Variants in MPO observed in about 807,000 individuals in gnomAD.
The protein encoded by MPO is myeloperoxidase.
MPO carries 57 observed loss-of-function variants against 69.4 expected under a neutral mutation model. That is an observed-to-expected ratio of 0.82 (90% CI 0.66 to 1.02). The LOEUF (loss-of-function observed/expected upper bound fraction) is 1.02. Among genes scored for constraint, MPO ranks in the 50% least tolerant of loss-of-function variants. The pLI is 0.00. For missense variants in MPO, 971 were observed against 1,014.1 expected (o/e 0.96, Z 0.58); for synonymous variants, 426 against 417.1 (o/e 1.02, Z -0.26).
rs147998181 is a variant in MPO at position 58,279,872 on chromosome 17, G to T, written c.391C>A (p.Arg131=). The T allele has an allele frequency of 1.2e-6, 2 of 1,614,018 alleles. No homozygotes were observed. The highest frequency in any genetic ancestry group is 1.7e-6 in the Non-Finnish European group (2 of 1,179,998). The change falls in exon 3 of 12, where the codon CGG becomes AGG. Residue 131 remains arginine, a synonymous_variant. Coordinates refer to ENST00000225275, the MANE Select transcript of MPO (RefSeq NM_000250.2). ...VALDLLERKL[R]SLWRRPFNVT... The stretch of plus-strand genomic sequence containing the variant: ...TTGAATGGCCTTCGCCACAGGGACC[G>T]CAGCTTCCTCTCCAGCAGGTCTAGA...
Position 58,279,596 on chromosome 17 carries a change from C to A in MPO, c.475G>T (p.Ala159Ser). 1 of 1,614,108 alleles carries A rather than the reference C, an allele frequency of 6.2e-7. No individual in the cohort carries two copies. Among genetic ancestry groups the A allele is most frequent in the Non-Finnish European group, 8.5e-7 (1 of 1,180,028 alleles). Reference sequence around the variant, plus strand: ...CAAGTCACCCCCACGTCCTGGTAGGCGCAGCCGCTTGACTTGGACAACACA... The same window carrying A: ...CAAGTCACCCCCACGTCCTGGTAGGAGCAGCCGCTTGACTTGGACAACACA... The part of the protein sequence containing the change: ...LNVLSKSSGC[A>S]YQDVGVTCPE... Residue 159 changes from alanine to serine, a missense_variant, in exon 4 of 12, where the codon GCC becomes TCC. By Grantham distance (99) the Ala-to-Ser change is moderately conservative. Transcript: ENST00000225275.
chr17:58,279,938 T>C lies in MPO; in HGVS notation c.325A>G (p.Thr109Ala), dbSNP rs761553889. ...TCAGCGGCCCTCACCGCCGTCCTGG[T>C]GGCTGCCACCGGCTGCTTGAAGTAG... Reference protein sequence around the residue: ...LSYFKQPVAATRTAVRAADYL... With the variant: ...LSYFKQPVAAARTAVRAADYL... The change falls in exon 3 of 12, where the codon ACC (threonine) becomes GCC (alanine). Residue 109 changes from threonine (T) to alanine (A), a missense_variant. Physicochemically the swap from Thr to Ala is moderately conservative, Grantham distance 58 (BLOSUM62 0). Coordinates refer to ENST00000225275, the MANE Select transcript of MPO (RefSeq NM_000250.2). The C allele has an allele frequency of 7.4e-6, 12 of 1,613,954 alleles. No individual in the cohort carries two copies. Among genetic ancestry groups the C allele is most frequent in the Non-Finnish European group, 1.0e-5 (12 of 1,180,024 alleles).
rs150667367 is a variant in MPO, at chr17:58,279,007, C to G, written c.885+1G>C. On this transcript the variant is annotated splice_donor_variant, in intron 6 of 11. Coordinates refer to ENST00000225275, the MANE Select transcript of MPO (RefSeq NM_000250.2). LOFTEE classifies it high-confidence loss of function. ...AGGCAGTGGGCGGGAAGCAGGGCCACCTTGAGCGGGAAGCAGGGCGGCTGC... is the reference window on the plus strand; with the variant it reads ...AGGCAGTGGGCGGGAAGCAGGGCCAGCTTGAGCGGGAAGCAGGGCGGCTGC... 2.5e-6 allele frequency: 4 copies of G among 1,607,258 alleles called. No homozygotes were observed. Among genetic ancestry groups the G allele is most frequent in the Non-Finnish European group, 3.4e-6 (4 of 1,178,436 alleles).
chr17:58,280,442 C>T lies in MPO; in HGVS notation c.172G>A (p.Asp58Asn), dbSNP rs55929952. ...GAAPAVLGEV[D>N]TSLVLSSMEE... The stretch of plus-strand genomic sequence containing the variant: ...ATGGAGCTCAGCACCAACGAGGTGT[C>T]CACCTCCCCCAGGACAGCTGCCCAG... The change falls in exon 2 of 12, where the codon GAC becomes AAC. Residue 58 changes from aspartate to asparagine, a missense_variant. Physicochemically the swap from Asp to Asn is conservative, Grantham distance 23. Coordinates refer to ENST00000225275, the MANE Select transcript of MPO (RefSeq NM_000250.2). The T allele has an allele frequency of 1.8e-4, 293 of 1,613,946 alleles. No homozygotes were observed. Among genetic ancestry groups the T allele is most frequent in the Admixed American group, 1.8e-4 (11 of 60,002 alleles).
At chr17:58,279,245 G>C in intron 5 of MPO, 31 bp from the exon 6 acceptor site, 1 of 1,576,232 alleles carries the variant, frequency 6.3e-7, no homozygotes, top group Non-Finnish European at 8.6e-7. Flanking sequence ...CTGGCGCCTG[G>C]GTCCGCGCAC....
chr17:58,271,908 G>A lies in MPO; in HGVS notation c.1793-16C>T, dbSNP rs779965358. The A allele has an allele frequency of 3.1e-6, 5 of 1,612,696 alleles. No individual in the cohort carries two copies. The East Asian group carries it at 8.9e-5, about 29-fold the overall frequency. The stretch of plus-strand genomic sequence containing the variant: ...GCATTGTATCCTGCATGGGGGAGGG[G>A]ACAGGTGGCTATGGGCAGGTCTCTC... On this transcript the variant is annotated splice_polypyrimidine_tract_variant and intron_variant, in intron 10 of 11. Coordinates refer to ENST00000225275, the MANE Select transcript of MPO (RefSeq NM_000250.2).
chr17:58,270,930 T>A lies in MPO; in HGVS notation c.2031-67A>T. The A allele has an allele frequency of 3.2e-6, 5 of 1,556,362 alleles. No homozygotes were observed. In the South Asian group the frequency reaches 4.5e-5, roughly 14 times the overall value. ...CTGGGCTGGCAGGGCATCGATGGGC[T>A]TGTGCTGCTCCCAGGATATAACAAA... On this transcript the variant is annotated intron_variant, in intron 11 of 11. Transcript: ENST00000225275. This position sits in a 1 kb window ranked among gnomAD's most constrained non-coding sequence, Gnocchi z 4.1.
In MPO at chr17:58,273,455, A is replaced by C. The variant is rs140636390; in HGVS notation, c.1580T>G (p.Leu527Arg). 2.8e-5 allele frequency: 46 copies of C among 1,614,064 alleles called. No homozygotes were observed. The highest frequency in any genetic ancestry group is 1.6e-4 in the Middle Eastern group (1 of 6,062). Reference protein sequence around the residue: ...QPMEPNPRVPLSRVFFASWRV... With the variant: ...QPMEPNPRVPRSRVFFASWRV... The stretch of plus-strand genomic sequence containing the variant: ...CCAGGAGGCAAAAAAGACCCTGCTG[A>C]GGGGGACACGGGGGTTGGGTTCCAT... The change falls in exon 9 of 12, where the codon CTC (leucine) becomes CGC (arginine). Residue 527 changes from leucine to arginine, a missense_variant. Coordinates refer to ENST00000225275, the MANE Select transcript of MPO (RefSeq NM_000250.2).
At position 58,279,333 on chromosome 17, in the gene MPO, C is replaced by G; in HGVS notation, c.642G>C (p.Thr214=). 1.3e-6 allele frequency: 2 copies of G among 1,573,778 alleles called. No homozygotes were observed. Among genetic ancestry groups the G allele is most frequent in the Non-Finnish European group, 1.7e-6 (2 of 1,159,904 alleles). The part of the protein sequence containing the change: ...EDGFSLPYGW[T]PGVKRNGFPV... ...GGAAGCCGTTGCGCTTGACCCCGGG[C>G]GTCCAGCCGTAGGGAAGAGAGAAGC... The change falls in exon 5 of 12, where the codon ACG becomes ACC. Residue 214 remains threonine (T), a synonymous_variant. Coordinates refer to ENST00000225275, the MANE Select transcript of MPO (RefSeq NM_000250.2).
chr17:58,279,287 C>T lies in MPO; in HGVS notation c.678+10G>A, dbSNP rs1266628551. ...GCCGGGCCTCGCCCCCTCTGCCCGC[C>T]GGCGCTCACCAGAGCCACCGGGAAG... On this transcript the variant is annotated intron_variant, in intron 5 of 11. Transcript: ENST00000225275. 6.4e-7 allele frequency: 1 copy of T among 1,562,820 alleles called. No homozygotes were observed. Among genetic ancestry groups the T allele is most frequent in the Admixed American group, 1.9e-5 (1 of 52,302 alleles).
At chr17:58,271,989 C>A in intron 10 of MPO, 97 bp from the exon 11 acceptor site, 2 of 1,362,166 alleles carry the variant, frequency 1.5e-6, no homozygotes, top group South Asian at 1.3e-5. Flanking sequence ...ATATCGCCAG[C>A]AGCCCAGAAA....
chr17:58,276,087 T>A (rs35286509), intron 7 of MPO, among the ~76,000 whole-genome samples: 4 of 152,236 alleles, frequency 2.6e-5, no homozygotes, highest in African/African-American at 4.8e-5. Flanking sequence ...ACAGAGTGCC[T>A]GGTACAAAGT....
At position 58,277,843 on chromosome 17, in the gene MPO, G is replaced by A; in HGVS notation, c.1188C>T (p.Ile396=). The A allele has an allele frequency of 1.9e-6, 3 of 1,604,518 alleles. No homozygotes were observed. Among genetic ancestry groups the A allele is most frequent in the South Asian group, 2.2e-5 (2 of 91,056 alleles). ...AAAGCTGACCTGCCAGGAAGCAGGG[G>A]ATGCGCGCTGAGCGGTTGGTGAGGA... The part of the protein sequence containing the change: ...PCLLTNRSAR[I]PCFLAGDTRS... Residue 396 remains isoleucine, a synonymous_variant, in exon 7 of 12, where the codon ATC becomes ATT. Transcript: ENST00000225275.
In MPO at chr17:58,280,451, C is replaced by T. The variant is rs369386681; in HGVS notation, c.163G>A (p.Gly55Arg). Residue 55 changes from glycine (G) to arginine (R), a missense_variant, in exon 2 of 12, where the codon GGG (glycine) becomes AGG (arginine). Coordinates refer to ENST00000225275, the MANE Select transcript of MPO (RefSeq NM_000250.2). Reference sequence around the variant, plus strand: ...AGCACCAACGAGGTGTCCACCTCCCCCAGGACAGCTGCCCAGAGCAGGGAT... The same window carrying T: ...AGCACCAACGAGGTGTCCACCTCCCTCAGGACAGCTGCCCAGAGCAGGGAT... The part of the protein sequence containing the change: ...PSEGAAPAVL[G>R]EVDTSLVLSS... 83 of 1,614,066 alleles carry T rather than the reference C, an allele frequency of 5.1e-5. No individual in the cohort carries two copies. The highest frequency in any genetic ancestry group is 6.6e-5 in the Non-Finnish European group (78 of 1,179,974).
In MPO at chr17:58,270,937, G is replaced by C. The variant is rs1970358558; in HGVS notation, c.2031-74C>G. Reference sequence around the variant, plus strand: ...GGCAGGGCATCGATGGGCTTGTGCTGCTCCCAGGATATAACAAAGCCACAA... The same window carrying C: ...GGCAGGGCATCGATGGGCTTGTGCTCCTCCCAGGATATAACAAAGCCACAA... On this transcript the variant is annotated intron_variant, in intron 11 of 11. Coordinates refer to ENST00000225275, the MANE Select transcript of MPO (RefSeq NM_000250.2). This position sits in a 1 kb window ranked among gnomAD's most constrained non-coding sequence, Gnocchi z 4.1. The C allele has an allele frequency of 2.6e-6, 4 of 1,535,042 alleles. No homozygotes were observed. The highest frequency in any genetic ancestry group is 3.6e-6 in the Non-Finnish European group (4 of 1,112,322).
rs142018618 is a variant in MPO, at chr17:58,277,996, G to A, written c.1035C>T (p.Ser345=). ...SFVDASMVYG[S]EEPLARNLRN... ...GCAGGTTCCTGGCCAGGGGCTCCTCGCTGCCGTACACCATGCTGGCGTCCA... is the reference window on the plus strand; with the variant it reads ...GCAGGTTCCTGGCCAGGGGCTCCTCACTGCCGTACACCATGCTGGCGTCCA... The change falls in exon 7 of 12, where the codon AGC becomes AGT. Residue 345 remains serine, a synonymous_variant. Coordinates refer to ENST00000225275, the MANE Select transcript of MPO (RefSeq NM_000250.2). The A allele has an allele frequency of 1.7e-5, 28 of 1,613,778 alleles. No homozygotes were observed. Among genetic ancestry groups the A allele is most frequent in the Middle Eastern group, 3.3e-4 (2 of 6,084 alleles).
At position 58,280,744 on chromosome 17, in the gene MPO, G is replaced by A; in HGVS notation, c.15C>T (p.Phe5=). 6.2e-7 allele frequency: 1 copy of A among 1,614,204 alleles called. No homozygotes were observed. Among genetic ancestry groups the A allele is most frequent in the Non-Finnish European group, 8.5e-7 (1 of 1,180,038 alleles). Residue 5 remains phenylalanine (F), a synonymous_variant, in exon 1 of 12, where the codon TTC becomes TTT. Transcript: ENST00000225275. MGVP[F]FSSLRCMVDL... ...CCACCATGCATCTGAGAGAAGAGAA[G>A]AAGGGAACCCCCATCTCTCTTCTCC...
At chr17:58,278,493 C>A (rs184438061) in intron 6 of MPO, among the ~76,000 whole-genome samples, 2 of 152,158 alleles carry the variant, frequency 1.3e-5, no homozygotes, top group African/African-American at 4.8e-5. Flanking sequence ...CTCTCTCAGG[C>A]GCTCTCTCCT....
At chr17:58,280,053 T>G in intron 2 of MPO, 39 bp from the exon 3 acceptor site, 2 of 1,605,494 alleles carry the variant, frequency 1.2e-6, no homozygotes, top group Non-Finnish European at 1.7e-6. Flanking sequence ...AGAGAAGGGA[T>G]ACAGACCCAC....
Sources: allele counts gnomAD v4.1 joint callset (sites outside exome capture counted in the v4.1 genomes callset), GRCh38; gene constraint gnomAD v4.1.1; non-coding constraint Gnocchi (gnomAD v3.1); transcripts MANE v1.5; gene names NCBI Gene and HGNC (gene_info 2026-07-23, HGNC 2026-07-21).